PLEKHB2: variants seen among roughly 807,000 people sequenced by gnomAD.
PLEKHB2 encodes the protein pleckstrin homology domain containing B2.
PLEKHB2 carries 31 observed loss-of-function variants against 36.5 expected under a neutral mutation model. That is an observed-to-expected ratio of 0.85 (90% confidence interval 0.64 to 1.15). PLEKHB2 has a LOEUF of 1.15. Among genes scored for constraint, PLEKHB2 ranks in the 50% most tolerant of loss-of-function variants. The pLI, the probability that PLEKHB2 is intolerant of heterozygous loss-of-function variation, is 0.00. For missense variants in PLEKHB2, 262 were observed against 295.3 expected (o/e 0.89, Z 0.83); for synonymous variants, 119 against 112.0 (o/e 1.06, Z -0.39).
intron 1 of PLEKHB2, chr2:131,108,206 A>G (rs372953357): frequency 1.8e-4 from 28 of 152,330 alleles, no homozygotes; most frequent in African/African-American, 3.8e-4. Flanking sequence ...TTTCGATTCA[A>G]TGCTTTCAAA....
At chr2:131,109,281 G>A (rs79995595) in intron 1 of PLEKHB2, among the ~76,000 whole-genome samples, 88 of 152,308 alleles carry the variant, frequency 5.8e-4, no homozygotes, top group African/African-American at 1.9e-3. Flanking sequence ...CTGTTGGAAG[G>A]TTCAAATAGG....
intron 1 of PLEKHB2, among the ~76,000 whole-genome samples, chr2:131,119,257 CA>C (rs895445466): frequency 1.5e-4 from 22 of 145,698 alleles, no homozygotes; most frequent in South Asian, 2.2e-4. Context: ...ATCCATCTCA[CA>C]AAAAAAAAAG....
chr2:131,112,287 A>AG (rs1406255344), intron 1 of PLEKHB2, among the ~76,000 whole-genome samples: 7 of 152,244 alleles, frequency 4.6e-5, no homozygotes, highest in African/African-American at 1.7e-4. Context: ...TCCTGGAGGG[A>AG]GGGTGGTGTG....
rs1021528202 is a variant in PLEKHB2, at chr2:131,148,082, G to A, written c.*1309G>A. ...TCCTGTGCAGAAGTGGGACTCTGTGGCTGTTCACTGAGCACCAGGGCAGAC... is the reference window on the plus strand; with the variant it reads ...TCCTGTGCAGAAGTGGGACTCTGTGACTGTTCACTGAGCACCAGGGCAGAC... On this transcript the variant is annotated 3_prime_UTR_variant, in exon 8 of 8. Transcript: ENST00000693505. 6.6e-6 allele frequency: 1 copy of A among 152,434 alleles called. No individual in the cohort carries two copies. Among genetic ancestry groups the A allele is most frequent in the African/African-American group, 2.4e-5 (1 of 41,442 alleles). The allele number at this position is 152,434 out of a possible 1,614,324, so 9.4% of individuals were successfully genotyped here.
At chr2:131,136,225 T>A (rs960228225) in intron 6 of PLEKHB2, among the ~76,000 whole-genome samples, 3 of 118,784 alleles carry the variant, frequency 2.5e-5, no homozygotes, top group African/African-American at 9.7e-5. Flanking sequence ...TCTCCTCTCC[T>A]CTCTCCCCTG....
At chr2:131,117,670 T>G (rs1426100044) in intron 1 of PLEKHB2, among the ~76,000 whole-genome samples, 1 of 152,190 alleles carries the variant, frequency 6.6e-6, no homozygotes, top group Admixed American at 6.6e-5. Flanking sequence ...AGCTGTAGTA[T>G]GAATATAAAT....
rs150242553 is a variant in PLEKHB2, at chr2:131,115,621, G to A, written c.-8-5313G>A. 3.5e-3 allele frequency among the ~76,000 whole-genome samples: 534 copies of A among 152,050 alleles called. 6 individuals are homozygous for A. Among genetic ancestry groups the A allele is most frequent in the Admixed American group, 0.032 (482 of 15,260 alleles). On this transcript the variant is annotated intron_variant, in intron 1 of 7. Coordinates refer to ENST00000693505, the MANE Select transcript of PLEKHB2 (RefSeq NM_001100623.2). ...ACCTGCCTCAGTCTCCCAAAATGCCGGGATTACAGGCGTGAGCTACTGCGC... is the reference window on the plus strand; with the variant it reads ...ACCTGCCTCAGTCTCCCAAAATGCCAGGATTACAGGCGTGAGCTACTGCGC...
At chr2:131,110,549 A>G (rs905633407) in intron 1 of PLEKHB2, among the ~76,000 whole-genome samples, 9 of 151,788 alleles carry the variant, frequency 5.9e-5, no homozygotes, top group Admixed American at 3.9e-4. Flanking sequence ...CTAACTTCTT[A>G]TTTTTTTGTT....
intron 4 of PLEKHB2, among the ~76,000 whole-genome samples, chr2:131,127,666 C>G (rs1393024183): frequency 1.3e-5 from 2 of 152,200 alleles, no homozygotes; most frequent in African/African-American, 4.8e-5. Context: ...GAAGTTTGAT[C>G]TCAAGCACAA....
intron 1 of PLEKHB2, chr2:131,120,211 C>T (rs1559063070): frequency 6.6e-6 from 1 of 152,324 alleles, no homozygotes; most frequent in Non-Finnish European, 1.5e-5. Flanking sequence ...CTGATCCGCC[C>T]ACCTCGGCCT....
intron 6 of PLEKHB2, among the ~76,000 whole-genome samples, chr2:131,137,610 C>T (rs1318711829): frequency 6.6e-6 from 1 of 152,196 alleles, no homozygotes; most frequent in Admixed American, 6.5e-5. Context: ...AAAAATCCTC[C>T]AGTTCATTCA....
chr2:131,106,374 T>C (rs1694734776), intron 1 of PLEKHB2, among the ~76,000 whole-genome samples: 1 of 152,072 alleles, frequency 6.6e-6, no homozygotes. Context: ...TCTGTGGCCT[T>C]TGGTATGAAC....
intron 4 of PLEKHB2, among the ~76,000 whole-genome samples, chr2:131,127,216 A>C (rs1268614670): frequency 6.6e-6 from 1 of 152,184 alleles, no homozygotes; most frequent in Non-Finnish European, 1.5e-5. Context: ...GTCTGGAATC[A>C]GTGTGTCAGC....
chr2:131,109,045 A>G (rs1444819695), intron 1 of PLEKHB2, among the ~76,000 whole-genome samples: 2 of 152,216 alleles, frequency 1.3e-5, no homozygotes, highest in East Asian at 1.9e-4. Flanking sequence ...TCAAAAGCAT[A>G]TGATAGGCTG....
intron 6 of PLEKHB2, among the ~76,000 whole-genome samples, chr2:131,137,078 C>A (rs533995671): frequency 1.7e-4 from 26 of 151,492 alleles, no homozygotes; most frequent in African/African-American, 4.6e-4. Flanking sequence ...TCCTGAGTAG[C>A]GGGGACTACA....
At position 131,140,182 on chromosome 2, in the gene PLEKHB2, G is replaced by A; in HGVS notation, c.439G>A (p.Gly147Arg). The A allele has an allele frequency of 3.1e-6, 5 of 1,608,834 alleles. No individual in the cohort carries two copies. The highest frequency in any genetic ancestry group is 4.3e-6 in the Non-Finnish European group (5 of 1,175,394). Residue 147 changes from glycine to arginine, a missense_variant, in exon 7 of 8, where the codon GGG becomes AGG. By Grantham distance (125) the Gly-to-Arg change is moderately radical (BLOSUM62 -2). Coordinates refer to ENST00000693505, the MANE Select transcript of PLEKHB2 (RefSeq NM_001100623.2). The part of the protein sequence containing the change: ...APAPEQAYGY[G>R]PYGGAYPPGT... Reference sequence around the variant, plus strand: ...TTCTTTTCAGCAGGCTTATGGCTATGGGCCATACGGTGGTGCGTACCCGCC... The same window carrying A: ...TTCTTTTCAGCAGGCTTATGGCTATAGGCCATACGGTGGTGCGTACCCGCC...
chr2:131,132,505 C>G lies in PLEKHB2; in HGVS notation c.334-397C>G, dbSNP rs1031625980. ...GTAGAGATGAGCTCTCCCTCTGTTG[C>G]CTAGGCTGGCCTTGGAACTCCTGGG... On this transcript the variant is annotated intron_variant, in intron 5 of 7. Transcript: ENST00000693505. Among the ~76,000 whole-genome samples, 6 of 152,012 alleles carry G rather than the reference C, an allele frequency of 3.9e-5. 1 individual carries two copies. The highest frequency in any genetic ancestry group is 1.3e-4 in the Admixed American group (2 of 15,258).
Position 131,140,172 on chromosome 2 carries a change from T to A in PLEKHB2, c.429T>A (p.Ala143=). ...TAYAAPAPEQ[A]YGYGPYGGAY... is the part of the protein sequence containing the mutation. The stretch of plus-strand genomic sequence containing the variant: ...ATGGGCCTGTTTCTTTTCAGCAGGC[T>A]TATGGCTATGGGCCATACGGTGGTG... Residue 143 remains alanine (A), a synonymous_variant, in exon 7 of 8, where the codon GCT becomes GCA. Transcript: ENST00000693505. 1 of 1,602,626 alleles carries A rather than the reference T, an allele frequency of 6.2e-7. No individual in the cohort carries two copies. The highest frequency in any genetic ancestry group is 8.5e-7 in the Non-Finnish European group (1 of 1,171,174).
At chr2:131,122,316 C>T (rs1043697041) in intron 2 of PLEKHB2, among the ~76,000 whole-genome samples, 5 of 152,190 alleles carry the variant, frequency 3.3e-5, no homozygotes, top group African/African-American at 1.2e-4. Flanking sequence ...GGAAAAGTGA[C>T]TACCATGTCA....
Sources: allele counts gnomAD v4.1 joint callset (sites outside exome capture counted in the v4.1 genomes callset), GRCh38; gene constraint gnomAD v4.1.1; transcripts MANE v1.5; gene names NCBI Gene and HGNC (gene_info 2026-07-23, HGNC 2026-07-21).